The following UNC13B variants were observed in gnomAD, a reference collection of about 807,000 sequenced individuals.
UNC13B encodes the protein protein unc-13 homolog B.
Under a neutral mutation model 211.0 loss-of-function variants are expected in UNC13B, and 144 were observed. That is an observed-to-expected ratio of 0.68 (90% CI 0.60 to 0.78). The LOEUF is 0.78. UNC13B is among the 30% of genes least tolerant of loss of function. The pLI is 0.00. For missense variants in UNC13B, 1,777 were observed against 2,002.0 expected (o/e 0.89, Z 2.14); for synonymous variants, 709 against 725.8 (o/e 0.98, Z 0.37).
At chr9:35,382,207 A>C in intron 20 of UNC13B, 150 bp from the exon 21 acceptor site, 1 of 1,025,076 alleles carries the variant, frequency 9.8e-7, no homozygotes, top group Non-Finnish European at 1.4e-6. Context: ...GGCTGCCCCT[A>C]GAGCTGTGTG....
At chr9:35,374,840 G>A (rs560697718) in intron 13 of UNC13B, among the ~76,000 whole-genome samples, 2 of 152,114 alleles carry the variant, frequency 1.3e-5, no homozygotes, top group African/African-American at 2.4e-5. Flanking sequence ...GAGTTTCTGT[G>A]GGGTAGGACA....
In UNC13B at chr9:35,347,544, C is replaced by A. The variant is rs1055675599; in HGVS notation, c.9415-19403C>A. ...CTGGTTGGTCCTCTGAGCATCACAT[C>A]GAGCTCCATCCCCTGCTTCAAAGCC... is the stretch of plus-strand genomic sequence containing the variant. On this transcript the variant is annotated intron_variant, in intron 11 of 39. Transcript: ENST00000635942. Among the ~76,000 whole-genome samples, 8 of 152,184 alleles carry A rather than the reference C, an allele frequency of 5.3e-5. 1 individual carries two copies. Among genetic ancestry groups the A allele is most frequent in the Admixed American group, 5.2e-4 (8 of 15,278 alleles).
intron 3 of UNC13B, among the ~76,000 whole-genome samples, chr9:35,235,505 A>G (rs1280798747): frequency 1.4e-5 from 2 of 147,766 alleles, no homozygotes; most frequent in Non-Finnish European, 3.0e-5. Flanking sequence ...GCTGGAGTGC[A>G]GTGGCGTGAT....
chr9:35,247,657 T>G (rs1432165243), intron 6 of UNC13B, among the ~76,000 whole-genome samples: 2 of 152,238 alleles, frequency 1.3e-5, no homozygotes, highest in Non-Finnish European at 2.9e-5. Flanking sequence ...GAATTAGATT[T>G]ATTGATTTGT....
intron 1 of UNC13B, among the ~76,000 whole-genome samples, chr9:35,191,570 A>T (rs1226077882): frequency 1.3e-5 from 2 of 152,306 alleles, no homozygotes; most frequent in East Asian, 3.9e-4. Context: ...ACAAGATTTT[A>T]TCCTCCCTTA....
chr9:35,390,322 C>T (rs1291348862), intron 25 of UNC13B, among the ~76,000 whole-genome samples: 1 of 152,246 alleles, frequency 6.6e-6, no homozygotes, highest in Non-Finnish European at 1.5e-5. Flanking sequence ...CTTTCTCCTC[C>T]AGCTTATTTA....
rs140353533 is a variant in UNC13B, at chr9:35,398,740, G to A, written c.11921+98G>A. 12,090 of 1,561,520 alleles carry A rather than the reference G, an allele frequency of 7.7e-3. 62 individuals are homozygous for A. The highest frequency in any genetic ancestry group is 8.9e-3 in the Non-Finnish European group (10,158 of 1,141,054). On this transcript the variant is annotated intron_variant, in intron 32 of 39. Coordinates refer to ENST00000635942, the MANE Select transcript of UNC13B (RefSeq NM_001371189.2). Reference sequence around the variant, plus strand: ...CACCTCTCCATATAGCTGCAGGTGTGTGGATCTTCCCTGTACTCCTGCTGA... The same window carrying A: ...CACCTCTCCATATAGCTGCAGGTGTATGGATCTTCCCTGTACTCCTGCTGA...
At chr9:35,393,219 A>G (rs1385734610) in intron 26 of UNC13B, among the ~76,000 whole-genome samples, 4 of 152,216 alleles carry the variant, frequency 2.6e-5, no homozygotes, top group African/African-American at 9.7e-5. Flanking sequence ...AGGAGTAAGT[A>G]TAGGGTGCTG....
chr9:35,197,673 TG>T (rs1204078039), intron 1 of UNC13B, among the ~76,000 whole-genome samples: 11 of 152,172 alleles, frequency 7.2e-5, no homozygotes, highest in Admixed American at 3.9e-4. Flanking sequence ...TGATGGGCCA[TG>T]GGGGCGGACT....
In UNC13B at chr9:35,300,970, G is replaced by A. The variant is rs774390411; in HGVS notation, c.1566G>A (p.Thr522=). ...PLTIVKNDKD[T]AISFPELTGV... ...CTATTGTCAAGAATGACAAGGACAC[G>A]GCCATCTCTTTCCCTGAGTTGACTG... The change falls in exon 9 of 40, where the codon ACG becomes ACA. Residue 522 remains threonine (T), a synonymous_variant. Coordinates refer to ENST00000635942, the MANE Select transcript of UNC13B (RefSeq NM_001371189.2). The A allele has an allele frequency of 2.5e-6, 1 of 398,886 alleles. No homozygotes were observed. Among genetic ancestry groups the A allele is most frequent in the Non-Finnish European group, 4.4e-6 (1 of 225,998 alleles). 24.7% of individuals were successfully genotyped at this position (398,886 alleles called of 1,614,324 possible).
At chr9:35,252,434 A>C (rs1186986410) in intron 6 of UNC13B, among the ~76,000 whole-genome samples, 1 of 151,892 alleles carries the variant, frequency 6.6e-6, no homozygotes, top group Non-Finnish European at 1.5e-5. Context: ...CCTCCTGAGT[A>C]GCTGAGATTA....
At chr9:35,350,395 C>G (rs1011920072) in intron 11 of UNC13B, among the ~76,000 whole-genome samples, 9 of 152,140 alleles carry the variant, frequency 5.9e-5, no homozygotes, top group African/African-American at 1.9e-4. Context: ...TTAGAGCAAC[C>G]CTTTGTTATT....
chr9:35,263,386 G>A (rs749168627), intron 7 of UNC13B, among the ~76,000 whole-genome samples: 44 of 151,920 alleles, frequency 2.9e-4, no homozygotes, highest in Admixed American at 1.2e-3. Flanking sequence ...GTATACTTGG[G>A]GGATTGCTTC....
At chr9:35,279,807 T>C (rs1456512382) in intron 7 of UNC13B, among the ~76,000 whole-genome samples, 2 of 152,182 alleles carry the variant, frequency 1.3e-5, no homozygotes, top group Non-Finnish European at 2.9e-5. Flanking sequence ...ATGAGAGTGC[T>C]TCATCTTTCC....
chr9:35,352,231 G>A (rs1308816955), intron 11 of UNC13B: 16 of 1,232,046 alleles, frequency 1.3e-5, no homozygotes, highest in African/African-American at 1.6e-5. Context: ...AAAATACTAT[G>A]GAACTGGTGG....
At chr9:35,166,955 C>T (rs1429302147) in intron 1 of UNC13B, among the ~76,000 whole-genome samples, 1 of 152,186 alleles carries the variant, frequency 6.6e-6, no homozygotes, top group Non-Finnish European at 1.5e-5. Flanking sequence ...GCTTGTCCAG[C>T]CTGTGGCATG....
Position 35,396,605 on chromosome 9 carries a change from G to A in UNC13B, c.11435+3G>A. ...GGGCAGGTGCCTGAGTACCCAGCGTGAGTCATCATGTGGGCACTACAGAGG... is the reference window on the plus strand; with the variant it reads ...GGGCAGGTGCCTGAGTACCCAGCGTAAGTCATCATGTGGGCACTACAGAGG... On this transcript the variant is annotated splice_donor_region_variant and intron_variant, in intron 27 of 39. Coordinates refer to ENST00000635942, the MANE Select transcript of UNC13B (RefSeq NM_001371189.2). The A allele has an allele frequency of 1.2e-6, 2 of 1,613,870 alleles. No homozygotes were observed. Among genetic ancestry groups the A allele is most frequent in the Non-Finnish European group, 1.7e-6 (2 of 1,180,004 alleles).
intron 6 of UNC13B, among the ~76,000 whole-genome samples, chr9:35,246,093 G>A (rs1826081741): frequency 1.3e-5 from 2 of 152,144 alleles, no homozygotes; most frequent in South Asian, 4.1e-4. Flanking sequence ...GCATTTCTCT[G>A]ATGGCCAGTG....
chr9:35,248,839 T>C (rs761493605), intron 6 of UNC13B, among the ~76,000 whole-genome samples: 28 of 152,320 alleles, frequency 1.8e-4, no homozygotes, highest in South Asian at 1.7e-3. Flanking sequence ...TCTGTTGATT[T>C]GGGGTGGAGA....
Sources: allele counts gnomAD v4.1 joint callset (sites outside exome capture counted in the v4.1 genomes callset), GRCh38; gene constraint gnomAD v4.1.1; transcripts MANE v1.5; gene names NCBI Gene and HGNC (gene_info 2026-07-23, HGNC 2026-07-21).